The following VRK2 variants were observed in gnomAD, a reference collection of about 807,000 sequenced individuals.
VRK2 encodes VRK serine/threonine kinase 2, also known as serine/threonine-protein kinase VRK2.
A neutral mutation model predicts 57.6 loss-of-function variants in VRK2; 60 were observed. The observed-to-expected ratio is 1.04, with a 90% CI of 0.85 to 1.29. VRK2 has a LOEUF of 1.29. Ranked by LOEUF, VRK2 falls within the 50% of genes most tolerant of loss-of-function variation. VRK2 has a pLI of 0.00. For missense variants in VRK2, 705 were observed against 588.1 expected (o/e 1.20, Z -2.06); for synonymous variants, 231 against 199.2 (o/e 1.16, Z -1.35).
chr2:57,932,658 A>G (rs1670767547), intron 1 of VRK2, among the ~76,000 whole-genome samples: 1 of 151,836 alleles, frequency 6.6e-6, no homozygotes, highest in African/African-American at 2.4e-5. Context: ...AATCTTTTCT[A>G]TCATTTTTCT....
chr2:58,048,641 G>A (rs532641511), intron 1 of VRK2, 186 bp from the exon 2 acceptor site: 1 of 1,498,156 alleles, frequency 6.7e-7, no homozygotes, highest in South Asian at 1.2e-5. Context: ...TCTCAGTATT[G>A]TAATGTATGT....
intron 11 of VRK2, among the ~76,000 whole-genome samples, chr2:58,140,303 G>A (rs1235980696): frequency 2.0e-5 from 3 of 151,788 alleles, no homozygotes; most frequent in African/African-American, 7.3e-5. Flanking sequence ...CAGAGATCTA[G>A]GTTAAAAAAA....
intron 7 of VRK2, among the ~76,000 whole-genome samples, chr2:58,091,404 T>G (rs1365308835): frequency 6.6e-6 from 1 of 152,076 alleles, no homozygotes; most frequent in Non-Finnish European, 1.5e-5. Context: ...AAAAATATAG[T>G]CTGTTTAAAA....
At chr2:58,066,633 G>A (rs1668649265) in intron 2 of VRK2, among the ~76,000 whole-genome samples, 1 of 152,114 alleles carries the variant, frequency 6.6e-6, no homozygotes, top group South Asian at 2.1e-4. Flanking sequence ...GGAAGTGAGT[G>A]TGTAGAATTA....
rs1671797527 is a variant in VRK2 at position 58,087,526 on chromosome 2, T to G, written c.345-815T>G. Among the ~76,000 whole-genome samples the G allele has an allele frequency of 3.3e-5, 5 of 152,296 alleles. No individual in the cohort carries two copies. The South Asian group carries it at 1.0e-3, about 32-fold the overall frequency. On this transcript the variant is annotated intron_variant, in intron 5 of 12. Transcript: ENST00000340157. Reference sequence around the variant, plus strand: ...AAATTCCTAAGTGTGTGTGTTTGTGTATGCATGCATAGATATAGAATAGGG... The same window carrying G: ...AAATTCCTAAGTGTGTGTGTTTGTGGATGCATGCATAGATATAGAATAGGG...
chr2:58,034,863 T>G (rs1572809117), intron 3 of VRK2, among the ~76,000 whole-genome samples: 1 of 152,088 alleles, frequency 6.6e-6, no homozygotes, highest in Admixed American at 6.6e-5. Flanking sequence ...TTCTAAACGC[T>G]TGGTGGTTCA....
intron 2 of VRK2, among the ~76,000 whole-genome samples, chr2:58,026,417 AAAGTT>A (rs1406040205): frequency 6.6e-6 from 1 of 152,168 alleles, no homozygotes; most frequent in Admixed American, 6.5e-5. Context: ...TTAACTAAGA[AAAGTT>A]AATATGACTC....
At chr2:57,936,992 G>A (rs1056252280) in intron 1 of VRK2, among the ~76,000 whole-genome samples, 2 of 152,142 alleles carry the variant, frequency 1.3e-5, no homozygotes, top group African/African-American at 4.8e-5. Context: ...TCTTTCCCCA[G>A]CAGGATTCCC....
At position 58,154,621 on chromosome 2, in the gene VRK2, A is replaced by T. The variant is rs1683514197; in HGVS notation, c.1183-4728A>T. ...TGTATTTTTATTTCCATTCGGTTCA[A>T]TGTATTTTTTAATTTTCCTGGGGTC... On this transcript the variant is annotated intron_variant, in intron 12 of 12. Transcript: ENST00000340157. The T allele has an allele frequency of 7.9e-6, 5 of 631,200 alleles. No homozygotes were observed. In the South Asian group the frequency reaches 8.0e-5, roughly 10 times the overall value. 39.1% of individuals were successfully genotyped at this position (631,200 alleles called of 1,614,324 possible).
intron 7 of VRK2, among the ~76,000 whole-genome samples, chr2:58,090,121 C>T (rs2104230432): frequency 6.6e-6 from 1 of 152,228 alleles, no homozygotes; most frequent in South Asian, 2.1e-4. Flanking sequence ...AGAGGCCGGG[C>T]GCGGTGGCTC....
chr2:58,008,497 T>C (rs1295300816), intron 1 of VRK2, among the ~76,000 whole-genome samples: 2 of 151,856 alleles, frequency 1.3e-5, no homozygotes, highest in African/African-American at 4.8e-5. Flanking sequence ...ATTTAAAGGT[T>C]TTTTTCCTGT....
intron 1 of VRK2, among the ~76,000 whole-genome samples, chr2:58,014,718 T>G (rs1673522596): frequency 6.6e-6 from 1 of 152,184 alleles, no homozygotes. Context: ...TTTGAAAAAT[T>G]TATAGCCTAG....
intron 3 of VRK2, among the ~76,000 whole-genome samples, chr2:58,034,175 A>G (rs1311472420): frequency 6.6e-6 from 1 of 151,998 alleles, no homozygotes; most frequent in African/African-American, 2.4e-5. Flanking sequence ...TGCTCATTTT[A>G]CTTAGGAAAA....
At chr2:58,120,179 C>CATTTCTTTTTTTTTTTTTTTTT (rs1677206432) in intron 7 of VRK2, among the ~76,000 whole-genome samples, 1 of 93,370 alleles carries the variant, frequency 1.1e-5, no homozygotes, top group African/African-American at 4.6e-5. Context: ...ATTTTTTTTT[C>CATTTCTTTTTTTTTTTTTTTTT]TTTTCTTTTT....
chr2:58,105,012 G>T (rs1674535733), intron 7 of VRK2, among the ~76,000 whole-genome samples: 1 of 151,842 alleles, frequency 6.6e-6, no homozygotes, highest in Admixed American at 6.6e-5. Context: ...GCCATATACA[G>T]AATAATGAAA....
chr2:58,087,737 C>G (rs555806871), intron 5 of VRK2, among the ~76,000 whole-genome samples: 1 of 152,198 alleles, frequency 6.6e-6, no homozygotes, highest in South Asian at 2.1e-4. Flanking sequence ...GCCTGTAATC[C>G]CAGCACTTTG....
intron 4 of VRK2, among the ~76,000 whole-genome samples, chr2:58,085,298 A>T (rs75018627): frequency 0.068 from 10,364 of 151,968 alleles, 420 homozygotes; most frequent in Non-Finnish European, 0.092. Context: ...TATAAGGAAA[A>T]AACATTAAAA....
rs575899142 is a variant in VRK2, at chr2:57,942,349, G to C, written c.-439+34510G>C. Among the ~76,000 whole-genome samples the C allele has an allele frequency of 2.6e-5, 4 of 152,322 alleles. No homozygotes were observed. In the East Asian group the frequency reaches 7.7e-4, roughly 29 times the overall value. On this transcript the variant is annotated intron_variant, in intron 1 of 15. Transcript: ENST00000417641. ...ATGCAGAGGAAGACAAAATCAGCTA[G>C]TTGCCATTATGAATCAGGCAGTTGT... is the stretch of plus-strand genomic sequence containing the variant.
At chr2:57,991,271 C>T (rs1366416291) in intron 1 of VRK2, among the ~76,000 whole-genome samples, 3 of 151,266 alleles carry the variant, frequency 2.0e-5, no homozygotes, top group South Asian at 2.1e-4. Context: ...GATTTTATAT[C>T]GTAATGTGGT....
Sources: allele counts gnomAD v4.1 joint callset (sites outside exome capture counted in the v4.1 genomes callset), GRCh38; gene constraint gnomAD v4.1.1; transcripts MANE v1.5; gene names NCBI Gene and HGNC (gene_info 2026-07-23, HGNC 2026-07-21).